Variants in BLTP1 observed in about 807,000 individuals in gnomAD.
The protein encoded by BLTP1 is fragile site-associated protein.
the BLTP1 span, among the ~76,000 whole-genome samples, chr4:122,280,440 T>A: frequency 1.3e-5 from 2 of 152,144 alleles, no homozygotes; most frequent in Non-Finnish European, 2.9e-5. Flanking sequence ...TAACCTTTAT[T>A]CCCTATGTCT....
At chr4:122,320,605 GCTTT>G in the BLTP1 span, among the ~76,000 whole-genome samples, 1 of 152,040 alleles carries the variant, frequency 6.6e-6, no homozygotes, top group Admixed American at 6.6e-5. Context: ...AGCTATCCCT[GCTTT>G]CTTTTAATTA....
chr4:122,320,525 A>G, the BLTP1 span, among the ~76,000 whole-genome samples: 2 of 152,066 alleles, frequency 1.3e-5, no homozygotes, highest in African/African-American at 4.8e-5. Context: ...ATCATTTCAT[A>G]ATGCTCTTCT....
the BLTP1 span, chr4:122,227,327 A>G: frequency 1.0e-6 from 1 of 986,126 alleles, no homozygotes; most frequent in Non-Finnish European, 1.2e-6. Context: ...AAGAGTCATT[A>G]CAATATCTTC....
At chr4:122,198,660 C>G in the BLTP1 span, among the ~76,000 whole-genome samples, 3 of 151,952 alleles carry the variant, frequency 2.0e-5, no homozygotes, top group African/African-American at 7.3e-5. Context: ...AGTTAAGGGT[C>G]TAAGGAAAGC....
the BLTP1 span, chr4:122,281,526 TGC>T: frequency 1.9e-6 from 3 of 1,558,358 alleles, no homozygotes; most frequent in Non-Finnish European, 2.6e-6. Context: ...ATTTTTTTTT[TGC>T]TTTCTAGCCC....
At chr4:122,200,903 A>G in the BLTP1 span, 13 of 1,462,566 alleles carry the variant, frequency 8.9e-6, no homozygotes, top group Non-Finnish European at 1.2e-5. Flanking sequence ...GCTCAGTAGG[A>G]AAATGTTTTA....
chr4:122,203,861 T>C, the BLTP1 span: 1 of 493,244 alleles, frequency 2.0e-6, no homozygotes, highest in South Asian at 9.0e-5. Context: ...AAGAATAAAA[T>C]AATAAGATTT....
the BLTP1 span, among the ~76,000 whole-genome samples, chr4:122,218,014 G>A: frequency 6.6e-6 from 1 of 152,054 alleles, no homozygotes; most frequent in African/African-American, 2.4e-5. Context: ...GGTGTTCATA[G>A]TAGCCTTGAA....
the BLTP1 span, among the ~76,000 whole-genome samples, chr4:122,358,904 T>C: frequency 6.6e-6 from 1 of 152,166 alleles, no homozygotes; most frequent in Non-Finnish European, 1.5e-5. Context: ...ATAATTATTA[T>C]AGCCAATTAA....
chr4:122,207,171 G>C, the BLTP1 span: 1 of 1,610,764 alleles, frequency 6.2e-7, no homozygotes, highest in Non-Finnish European at 8.5e-7. Context: ...TTCCATATAC[G>C]TGGAATTTTA....
chr4:122,246,684 TA>T, the BLTP1 span: 7 of 1,611,234 alleles, frequency 4.3e-6, no homozygotes, highest in Non-Finnish European at 5.9e-6. Flanking sequence ...GTGTGTTAGG[TA>T]AACTTATGTT....
the BLTP1 span, chr4:122,239,471 T>A: frequency 7.1e-7 from 1 of 1,414,868 alleles, no homozygotes; most frequent in Non-Finnish European, 9.5e-7. Flanking sequence ...ATGCTTAAAT[T>A]TTATGATGTA....
the BLTP1 span, chr4:122,221,061 T>G: frequency 3.1e-6 from 3 of 979,964 alleles, no homozygotes. Context: ...CCACTTTATA[T>G]GCCCCTGTCT....
At chr4:122,339,189 G>A in the BLTP1 span, 1 of 1,606,384 alleles carries the variant, frequency 6.2e-7, no homozygotes, top group Non-Finnish European at 8.5e-7. Flanking sequence ...GAAACCTTTT[G>A]CTGTCTGTTA....
chr4:122,269,126 A>T, the BLTP1 span: 1 of 921,194 alleles, frequency 1.1e-6, no homozygotes, highest in Non-Finnish European at 1.3e-6. Context: ...TTATATTTAA[A>T]TTTGCAAGAG....
the BLTP1 span, among the ~76,000 whole-genome samples, chr4:122,329,992 A>G: frequency 6.6e-6 from 1 of 151,782 alleles, no homozygotes; most frequent in African/African-American, 2.4e-5. Context: ...GTCCTTCTGT[A>G]TCTGGCATAC....
the BLTP1 span, among the ~76,000 whole-genome samples, chr4:122,212,776 T>C: frequency 6.6e-6 from 1 of 152,350 alleles, no homozygotes; most frequent in Admixed American, 6.5e-5. Flanking sequence ...TACAGACTTT[T>C]GTGCATTAAA....
At chr4:122,339,328 A>G in the BLTP1 span, 2 of 1,613,674 alleles carry the variant, frequency 1.2e-6, no homozygotes, top group Non-Finnish European at 1.7e-6. Flanking sequence ...GGGACTACAT[A>G]TCCTGCAGAG....
At chr4:122,154,656 A>G in the BLTP1 span, among the ~76,000 whole-genome samples, 5 of 152,006 alleles carry the variant, frequency 3.3e-5, no homozygotes, top group Admixed American at 6.6e-5. Context: ...GGCGGATCAC[A>G]AGGTCAGGAG....
Sources: allele counts gnomAD v4.1 joint callset (sites outside exome capture counted in the v4.1 genomes callset), GRCh38; gene constraint gnomAD v4.1.1; transcripts MANE v1.5; gene names NCBI Gene and HGNC (gene_info 2026-07-23, HGNC 2026-07-21).